Variants in SGMS1 observed in about 807,000 individuals in gnomAD.
The protein encoded by SGMS1 is sphingomyelin synthase 1, also known as phosphatidylcholine:ceramide cholinephosphotransferase 1.
A neutral mutation model predicts 46.2 loss-of-function variants in SGMS1; 13 were observed. The observed-to-expected ratio is 0.28, with a 90% confidence interval of 0.18 to 0.45. The LOEUF is 0.45. Among genes scored for constraint, SGMS1 ranks in the 20% least tolerant of loss-of-function variants. The pLI is 1.00. For missense variants in SGMS1, 324 were observed against 519.9 expected (o/e 0.62, Z 3.66); for synonymous variants, 203 against 187.8 (o/e 1.08, Z -0.66).
chr10:50,366,569 A>G (rs1848348818), intron 6 of SGMS1, among the ~76,000 whole-genome samples: 2 of 152,268 alleles, frequency 1.3e-5, no homozygotes. Context: ...CAACAATGAT[A>G]GACTACATTA....
chr10:50,381,208 A>T (rs544447915), intron 6 of SGMS1, among the ~76,000 whole-genome samples: 4 of 152,230 alleles, frequency 2.6e-5, no homozygotes, highest in Admixed American at 2.6e-4. Flanking sequence ...CCAGGAATTT[A>T]AAAAGGGTTT....
At chr10:50,553,310 T>G (rs1838163649) in intron 2 of SGMS1, among the ~76,000 whole-genome samples, 2 of 152,168 alleles carry the variant, frequency 1.3e-5, no homozygotes, top group Admixed American at 6.5e-5. Flanking sequence ...ATATACCACC[T>G]TGGTCAAGGT....
At chr10:50,418,399 A>G (rs1201733577) in intron 6 of SGMS1, 3 of 152,288 alleles carry the variant, frequency 2.0e-5, no homozygotes, top group African/African-American at 7.2e-5. Flanking sequence ...AGGCTCCAAG[A>G]GCGGGGTTGG....
At chr10:50,584,498 C>CAAAAAAAAAAAAA (rs751224205) in intron 2 of SGMS1, among the ~76,000 whole-genome samples, 1 of 69,556 alleles carries the variant, frequency 1.4e-5, no homozygotes, top group African/African-American at 5.7e-5. Flanking sequence ...GACTCCATCT[C>CAAAAAAAAAAAAA]AAAAAAAAAA....
chr10:50,377,347 G>A (rs1351614275), intron 6 of SGMS1, among the ~76,000 whole-genome samples: 1 of 152,078 alleles, frequency 6.6e-6, no homozygotes, highest in Non-Finnish European at 1.5e-5. Context: ...ATTAATTAAT[G>A]AATGGGTTAC....
At chr10:50,437,036 C>T (rs1849482759) in intron 5 of SGMS1, among the ~76,000 whole-genome samples, 1 of 152,152 alleles carries the variant, frequency 6.6e-6, no homozygotes, top group Non-Finnish European at 1.5e-5. Flanking sequence ...GTACAATAAC[C>T]AGATGTTGTT....
chr10:50,582,002 C>T (rs1315090572), intron 2 of SGMS1, among the ~76,000 whole-genome samples: 5 of 152,214 alleles, frequency 3.3e-5, no homozygotes, highest in Non-Finnish European at 5.9e-5. Flanking sequence ...AAACAGCAAC[C>T]GCAGGGCAGA....
At chr10:50,450,947 AT>A (rs1294472943) in intron 5 of SGMS1, among the ~76,000 whole-genome samples, 2 of 151,960 alleles carry the variant, frequency 1.3e-5, no homozygotes, top group Non-Finnish European at 2.9e-5. Context: ...GAGAATTTAT[AT>A]TTACATTCTA....
intron 2 of SGMS1, among the ~76,000 whole-genome samples, chr10:50,525,391 C>T (rs1837892257): frequency 6.6e-6 from 1 of 152,126 alleles, no homozygotes. Context: ...GTGCTCCTTC[C>T]AAATGCCACC....
chr10:50,399,845 G>A (rs987350081), intron 6 of SGMS1, among the ~76,000 whole-genome samples: 13 of 151,924 alleles, frequency 8.6e-5, no homozygotes, highest in South Asian at 2.1e-4. Flanking sequence ...TGGCTAACAC[G>A]GTGAAACCCT....
intron 2 of SGMS1, among the ~76,000 whole-genome samples, chr10:50,555,659 G>A (rs535844231): frequency 7.9e-5 from 12 of 152,194 alleles, no homozygotes; most frequent in Admixed American, 2.0e-4. Flanking sequence ...TAAGTATTCA[G>A]ACCTTCAGAA....
chr10:50,613,431 A>T (rs919619569), intron 1 of SGMS1, among the ~76,000 whole-genome samples: 1 of 152,216 alleles, frequency 6.6e-6, no homozygotes. Context: ...AAACTGGCCC[A>T]TAGGGGATTT....
At chr10:50,365,934 G>C (rs1451937160) in intron 6 of SGMS1, among the ~76,000 whole-genome samples, 1 of 152,104 alleles carries the variant, frequency 6.6e-6, no homozygotes, top group East Asian at 1.9e-4. Context: ...ATATTCCTTT[G>C]GGTATATACC....
At chr10:50,605,208 C>T (rs1838684279) in intron 1 of SGMS1, among the ~76,000 whole-genome samples, 1 of 152,210 alleles carries the variant, frequency 6.6e-6, no homozygotes, top group African/African-American at 2.4e-5. Context: ...GCCTCCCCTA[C>T]CACCCAGATT....
chr10:50,562,949 G>C (rs1421891316), intron 2 of SGMS1, among the ~76,000 whole-genome samples: 2 of 152,140 alleles, frequency 1.3e-5, no homozygotes, highest in East Asian at 3.9e-4. Flanking sequence ...TTCCCTGCTC[G>C]ATCTGGTCAC....
chr10:50,522,232 C>T (rs1336014178), intron 2 of SGMS1, among the ~76,000 whole-genome samples: 8 of 152,118 alleles, frequency 5.3e-5, no homozygotes, highest in Non-Finnish European at 1.2e-4. Flanking sequence ...TCAGACTTAG[C>T]CAGTGGGAAG....
intron 3 of SGMS1, among the ~76,000 whole-genome samples, chr10:50,469,132 G>A (rs746965455): frequency 1.2e-4 from 18 of 152,142 alleles, no homozygotes; most frequent in Non-Finnish European, 2.2e-4. Flanking sequence ...ATTACGTGTC[G>A]GATACCTTTA....
chr10:50,572,247 G>A (rs775317530), intron 2 of SGMS1, among the ~76,000 whole-genome samples: 16 of 152,174 alleles, frequency 1.1e-4, no homozygotes, highest in South Asian at 2.1e-4. Context: ...CTAGAGTACT[G>A]TAGAATACAA....
At chr10:50,515,630 C>T (rs1433812565) in intron 3 of SGMS1, among the ~76,000 whole-genome samples, 1 of 152,188 alleles carries the variant, frequency 6.6e-6, no homozygotes, top group Non-Finnish European at 1.5e-5. Context: ...GCAAAGCTCA[C>T]TCAGGAAGCA....
Sources: allele counts gnomAD v4.1 joint callset (sites outside exome capture counted in the v4.1 genomes callset), GRCh38; gene constraint gnomAD v4.1.1; transcripts MANE v1.5; gene names NCBI Gene and HGNC (gene_info 2026-07-23, HGNC 2026-07-21).